The following DPYD variants were observed in gnomAD, a reference collection of about 807,000 sequenced individuals.
The protein encoded by DPYD is dihydropyrimidine dehydrogenase [NADP(+)].
Under a neutral mutation model 116.2 loss-of-function variants are expected in DPYD, and 109 were observed. The observed-to-expected ratio is 0.94, with a 90% confidence interval of 0.80 to 1.10. The LOEUF (loss-of-function observed/expected upper bound fraction) is 1.10. Among genes scored for constraint, DPYD ranks in the 50% least tolerant of loss-of-function variants. The pLI, the probability that DPYD is intolerant of heterozygous loss-of-function variation, is 0.00. For synonymous variants in DPYD, 440 were observed against 432.0 expected, an observed-to-expected ratio of 1.02 and a Z score of -0.23; for missense variants, 1,302 against 1,254.5, an observed-to-expected ratio of 1.04 and a Z score of -0.57.
At chr1:97,798,491 A>G (rs1165419625) in intron 3 of DPYD, among the ~76,000 whole-genome samples, 2 of 151,934 alleles carry the variant, frequency 1.3e-5, no homozygotes, top group African/African-American at 4.8e-5. Context: ...GGCAGGTACT[A>G]TTATTCTACC....
chr1:97,699,272 A>T (rs1287698659), intron 6 of DPYD, 79 bp downstream of exon 6: 1 of 1,427,806 alleles, frequency 7.0e-7, no homozygotes, highest in Non-Finnish European at 9.9e-7. Context: ...TTCCTATATG[A>T]TTATGAACCA....
At chr1:97,474,902 C>T (rs1355562587) in intron 13 of DPYD, among the ~76,000 whole-genome samples, 1 of 151,724 alleles carries the variant, frequency 6.6e-6, no homozygotes, top group Non-Finnish European at 1.5e-5. Flanking sequence ...AAAATAATTC[C>T]AACTTTTATC....
At position 97,483,886 on chromosome 1, in the gene DPYD, A is replaced by G. The variant is rs1316969261; in HGVS notation, c.1740+31840T>C. On this transcript the variant is annotated intron_variant, in intron 13 of 22. Transcript: ENST00000370192. ...GGAATTCCTAGCTAACAGAACTGTGAAAAAAAAAAAATTATCTTCTTTATA... is the reference window on the plus strand; with the variant it reads ...GGAATTCCTAGCTAACAGAACTGTGGAAAAAAAAAAATTATCTTCTTTATA... 3.5e-4 allele frequency among the ~76,000 whole-genome samples: 2 copies of G among 5,682 alleles called. 1 individual carries two copies. Among genetic ancestry groups the G allele is most frequent in the East Asian group, 0.014 (2 of 148 alleles). 3.7% of individuals were successfully genotyped at this position (5,682 alleles called of 152,430 possible).
At chr1:97,551,424 C>T (rs1323456001) in intron 11 of DPYD, among the ~76,000 whole-genome samples, 2 of 152,006 alleles carry the variant, frequency 1.3e-5, no homozygotes, top group Admixed American at 6.6e-5. Flanking sequence ...AACTGTAACA[C>T]ATCATCATTG....
chr1:97,203,221 T>C lies in DPYD; in HGVS notation c.2443-9973A>G, dbSNP rs376894587. ...GTGGTGTAAGGGTTTGCATGTAGCA[T>C]TGTGCATGCTCAGCACCTCTCATGA... is the stretch of plus-strand genomic sequence containing the variant. On this transcript the variant is annotated intron_variant, in intron 19 of 22. Transcript: ENST00000370192. 5.8e-4 allele frequency among the ~76,000 whole-genome samples: 88 copies of C among 152,242 alleles called. 3 individuals are homozygous for C. In the South Asian group the frequency reaches 0.012, roughly 20 times the overall value.
chr1:97,809,558 T>C (rs1479624299), intron 3 of DPYD, among the ~76,000 whole-genome samples: 1 of 152,198 alleles, frequency 6.6e-6, no homozygotes, highest in Admixed American at 6.5e-5. Context: ...ATACGAGGGA[T>C]GGTTTAAAAA....
At chr1:97,756,786 T>C (rs958247079) in intron 3 of DPYD, among the ~76,000 whole-genome samples, 1 of 152,204 alleles carries the variant, frequency 6.6e-6, no homozygotes, top group African/African-American at 2.4e-5. Context: ...GTATTGACTT[T>C]AGTAATGCTA....
chr1:97,863,666 T>C (rs72979756), intron 2 of DPYD, among the ~76,000 whole-genome samples: 2,824 of 152,050 alleles, frequency 0.019, 90 homozygotes, highest in African/African-American at 0.065. Flanking sequence ...AAGACTTTTC[T>C]AGAAGTCTTT....
chr1:97,163,046 A>T lies in DPYD; in HGVS notation c.2622+30023T>A, dbSNP rs1173091589. Reference sequence around the variant, plus strand: ...AAAAACCCTAGAAGAAAACCTAGGCATTACCATTCAGGACATAGGCATGGG... The same window carrying T: ...AAAAACCCTAGAAGAAAACCTAGGCTTTACCATTCAGGACATAGGCATGGG... On this transcript the variant is annotated intron_variant, in intron 20 of 22. Transcript: ENST00000370192. Among the ~76,000 whole-genome samples, 218 of 151,660 alleles carry T rather than the reference A, an allele frequency of 1.4e-3. 2 individuals are homozygous for T. Among genetic ancestry groups the T allele is most frequent in the Non-Finnish European group, 1.4e-3 (92 of 67,872 alleles).
intron 5 of DPYD, among the ~76,000 whole-genome samples, chr1:97,717,611 C>T: frequency 6.6e-6 from 1 of 152,008 alleles, no homozygotes; most frequent in Admixed American, 6.6e-5. Flanking sequence ...TTCTCTTCCC[C>T]CTAAGTCCAC....
In DPYD at chr1:97,287,760, G is replaced by A. The variant is rs148197878; in HGVS notation, c.2299+17499C>T. 2.8e-3 allele frequency among the ~76,000 whole-genome samples: 426 copies of A among 152,206 alleles called. 3 individuals are homozygous for A. Among genetic ancestry groups the A allele is most frequent in the African/African-American group, 9.5e-3 (393 of 41,536 alleles). Reference sequence around the variant, plus strand: ...GGTGCAGGATATAATCTCCTGGTGCGCCATTTTTTAAGCCTGTCGGAAACT... The same window carrying A: ...GGTGCAGGATATAATCTCCTGGTGCACCATTTTTTAAGCCTGTCGGAAACT... On this transcript the variant is annotated intron_variant, in intron 18 of 22. Coordinates refer to ENST00000370192, the MANE Select transcript of DPYD (RefSeq NM_000110.4).
At chr1:97,661,842 A>C (rs188879083) in intron 8 of DPYD, among the ~76,000 whole-genome samples, 19 of 152,072 alleles carry the variant, frequency 1.2e-4, no homozygotes, top group African/African-American at 4.6e-4. Context: ...TTTTAAGTAA[A>C]AGATTTTCTT....
At chr1:97,085,952 G>A (rs762444113) in intron 21 of DPYD, among the ~76,000 whole-genome samples, 55 of 152,122 alleles carry the variant, frequency 3.6e-4, no homozygotes, top group Admixed American at 1.2e-3. Flanking sequence ...TTTTAATGTA[G>A]GTGTTCAAGG....
In DPYD at chr1:97,740,806, C is replaced by T. The variant is rs559357001; in HGVS notation, c.234-327G>A. On this transcript the variant is annotated intron_variant, in intron 3 of 22. Transcript: ENST00000370192. The stretch of plus-strand genomic sequence containing the variant: ...TTCATCCTTCACTATGCTGACAATA[C>T]TTGCATGCAGTTTTTTATGATAAGG... Among the ~76,000 whole-genome samples, 21 of 152,264 alleles carry T rather than the reference C, an allele frequency of 1.4e-4. No individual in the cohort carries two copies. In the South Asian group the frequency reaches 4.4e-3, roughly 32 times the overall value.
intron 3 of DPYD, among the ~76,000 whole-genome samples, chr1:97,787,001 G>A (rs924259564): frequency 6.6e-6 from 1 of 151,512 alleles, no homozygotes; most frequent in Non-Finnish European, 1.5e-5. Flanking sequence ...CTGGCTTTGA[G>A]GAAAAAAAAC....
chr1:97,151,559 C>T (rs1655020085), intron 20 of DPYD, among the ~76,000 whole-genome samples: 1 of 152,074 alleles, frequency 6.6e-6, no homozygotes, highest in South Asian at 2.1e-4. Context: ...CCTGTAATCC[C>T]AGCTACTCGG....
intron 16 of DPYD, among the ~76,000 whole-genome samples, chr1:97,365,242 T>C (rs949918989): frequency 2.0e-5 from 3 of 152,302 alleles, no homozygotes; most frequent in African/African-American, 7.2e-5. Context: ...TCTTCCAATA[T>C]TCTAGGCCAG....
intron 3 of DPYD, among the ~76,000 whole-genome samples, chr1:97,747,149 A>G (rs1664603484): frequency 6.6e-6 from 1 of 152,180 alleles, no homozygotes; most frequent in Non-Finnish European, 1.5e-5. Flanking sequence ...TACAACTATT[A>G]GAAGTAATTA....
At chr1:97,565,678 C>CTA (rs1570969816) in intron 11 of DPYD, among the ~76,000 whole-genome samples, 1 of 152,136 alleles carries the variant, frequency 6.6e-6, no homozygotes, top group East Asian at 1.9e-4. Context: ...CACTGTGTTG[C>CTA]TATATATGTA....
Sources: gnomAD v4.1 joint callset for allele counts (sites outside exome capture counted in the v4.1 genomes callset) on GRCh38, gnomAD v4.1.1 for gene constraint, MANE v1.5 for transcripts, NCBI Gene and HGNC (gene_info 2026-07-23, HGNC 2026-07-21) for gene names.